Variants in PPEF2 observed in about 807,000 individuals in gnomAD.
The protein encoded by PPEF2 is protein phosphatase with EF-hand domain 2, also known as serine/threonine-protein phosphatase with EF-hands 2.
PPEF2 carries 84 observed loss-of-function variants against 84.7 expected under a neutral mutation model. That is an observed-to-expected ratio of 0.99 (90% CI 0.83 to 1.19). The LOEUF (loss-of-function observed/expected upper bound fraction) is 1.19. Among genes scored for constraint, PPEF2 ranks in the 50% most tolerant of loss-of-function variants. The pLI, the probability that PPEF2 is intolerant of heterozygous loss-of-function variation, is 0.00. For missense variants in PPEF2, 924 were observed against 937.5 expected, an observed-to-expected ratio of 0.99 and a Z score of 0.19; for synonymous variants, 346 against 345.2, an observed-to-expected ratio of 1.00 and a Z score of -0.03.
chr4:75,867,978 G>A (rs1724172925), intron 13 of PPEF2, among the ~76,000 whole-genome samples: 1 of 152,112 alleles, frequency 6.6e-6, no homozygotes, highest in Non-Finnish European at 1.5e-5. Context: ...TTGGCCCAAA[G>A]TAAGTGCTCA....
intron 1 of PPEF2, among the ~76,000 whole-genome samples, 155 bp downstream of exon 1, chr4:75,902,075 G>C (rs1725135597): frequency 6.6e-6 from 1 of 152,194 alleles, no homozygotes; most frequent in Admixed American, 6.5e-5. Context: ...CACACAGATA[G>C]CAAAGACCCC....
At chr4:75,889,438 G>A (rs1022312002) in intron 5 of PPEF2, among the ~76,000 whole-genome samples, 4 of 151,986 alleles carry the variant, frequency 2.6e-5, no homozygotes, top group Non-Finnish European at 5.9e-5. Context: ...CTCTTTCTCC[G>A]GCGCATTCCT....
intron 1 of PPEF2, among the ~76,000 whole-genome samples, chr4:75,901,567 T>C (rs1725121404): frequency 6.6e-6 from 1 of 150,804 alleles, no homozygotes; most frequent in Middle Eastern, 3.3e-3. Context: ...AGAATAATTC[T>C]CAAGGGAAAA....
rs185074880 is a variant in PPEF2 at position 75,861,402 on chromosome 4, A to T, written c.2009-482T>A. Among the ~76,000 whole-genome samples, 717 of 148,720 alleles carry T rather than the reference A, an allele frequency of 4.8e-3. 6 individuals carry two copies. The highest frequency in any genetic ancestry group is 0.017 in the African/African-American group (688 of 41,118). ...TTGATTTTTTTACAAGGGTCCCAAGATCATTTAATGGGGAAAGAATAGTTT... is the reference window on the plus strand; with the variant it reads ...TTGATTTTTTTACAAGGGTCCCAAGTTCATTTAATGGGGAAAGAATAGTTT... On this transcript the variant is annotated intron_variant, in intron 16 of 16. Transcript: ENST00000286719.
chr4:75,867,256 CAG>C, intron 14 of PPEF2, 55 bp downstream of exon 14: 1 of 1,381,530 alleles, frequency 7.2e-7, no homozygotes, highest in Non-Finnish European at 1.0e-6. Flanking sequence ...TAGTGTAAGA[CAG>C]AGATTTTCTG....
chr4:75,897,556 G>C (rs1174535975), intron 1 of PPEF2, among the ~76,000 whole-genome samples: 2 of 152,118 alleles, frequency 1.3e-5, no homozygotes, highest in Non-Finnish European at 2.9e-5. Context: ...GGAGGCCAAG[G>C]TGGGCTGATC....
At chr4:75,879,892 C>T (rs1353178968) in intron 10 of PPEF2, among the ~76,000 whole-genome samples, 4 of 151,582 alleles carry the variant, frequency 2.6e-5, no homozygotes, top group East Asian at 3.9e-4. Flanking sequence ...TGCAGTGGTG[C>T]GATCTCGGCT....
rs1725140666 is a variant in PPEF2, at chr4:75,902,360, C to T, written c.-189G>A. ...CAGGCTGATCTGATTTCTTTCAGAC[C>T]TACAGAGCCCATAAAGAAGGTGCAG... On this transcript the variant is annotated 5_prime_UTR_variant, in exon 1 of 17. It removes the in-frame stop codon of an upstream open reading frame in the 5' UTR. Transcript: ENST00000286719. 6.6e-6 allele frequency: 1 copy of T among 152,224 alleles called. No homozygotes were observed. Among genetic ancestry groups the T allele is most frequent in the Admixed American group, 6.5e-5 (1 of 15,280 alleles). 9.4% of individuals were successfully genotyped at this position (152,224 alleles called of 1,614,324 possible).
intron 11 of PPEF2, among the ~76,000 whole-genome samples, chr4:75,874,945 A>G (rs1159511331): frequency 6.9e-6 from 1 of 144,272 alleles, no homozygotes; most frequent in East Asian, 2.0e-4. Flanking sequence ...TCTGTCGCCC[A>G]GGATGAAGTG....
rs115380747 is a variant in PPEF2 at position 75,861,357 on chromosome 4, C to T, written c.2009-437G>A. ...ATTCTGGCCATTAAAATCCTCTGGACCCCATACATCTATAGTCAATTGATT... is the reference window on the plus strand; with the variant it reads ...ATTCTGGCCATTAAAATCCTCTGGATCCCATACATCTATAGTCAATTGATT... On this transcript the variant is annotated intron_variant, in intron 16 of 16. Coordinates refer to ENST00000286719, the MANE Select transcript of PPEF2 (RefSeq NM_006239.3). 9.5e-3 allele frequency among the ~76,000 whole-genome samples: 1,439 copies of T among 151,906 alleles called. 27 individuals carry two copies. Among genetic ancestry groups the T allele is most frequent in the African/African-American group, 0.033 (1,381 of 41,474 alleles).
chr4:75,896,992 C>G (rs921989989), intron 1 of PPEF2, among the ~76,000 whole-genome samples: 5 of 152,076 alleles, frequency 3.3e-5, no homozygotes, highest in African/African-American at 9.7e-5. Flanking sequence ...TCACGCCATT[C>G]TCACCCCCTC....
intron 4 of PPEF2, among the ~76,000 whole-genome samples, chr4:75,890,612 G>A (rs1162190568): frequency 2.6e-5 from 4 of 152,070 alleles, no homozygotes; most frequent in South Asian, 2.1e-4. Context: ...TCTAGGATGG[G>A]CAGGAGGAAA....
At chr4:75,887,041 T>C in intron 6 of PPEF2, 143 bp from the exon 7 acceptor site, 1 of 465,730 alleles carries the variant, frequency 2.1e-6, no homozygotes, top group Non-Finnish European at 3.9e-6. Flanking sequence ...GGATAAATAT[T>C]AATTTCTCCT....
intron 14 of PPEF2, 101 bp downstream of exon 14, chr4:75,867,202 AACTTTGGGTC>A (rs1724151334): frequency 2.9e-6 from 2 of 688,834 alleles, no homozygotes; most frequent in African/African-American, 1.8e-5. Flanking sequence ...AGCCAAAGGG[AACTTTGGGTC>A]ACTCATTAAA....
chr4:75,860,759 C>A lies in PPEF2; in HGVS notation c.2170G>T (p.Val724Leu). 1 of 1,614,228 alleles carries A rather than the reference C, an allele frequency of 6.2e-7. No individual in the cohort carries two copies. Among genetic ancestry groups the A allele is most frequent in the Non-Finnish European group, 8.5e-7 (1 of 1,180,034 alleles). ...INEFLEAFRL[V>L]EKSCPEGDAS... ...TCGCCCTCTGGGCAGGATTTCTCCA[C>A]AAGGCGGAAGGCCTCCAGGAACTCA... The change falls in exon 17 of 17, where the codon GTG (valine) becomes TTG (leucine). Residue 724 changes from valine to leucine, a missense_variant. Val to Leu is a conservative substitution (Grantham distance 32, BLOSUM62 1). Transcript: ENST00000286719.
Position 75,867,390 on chromosome 4 carries a change from C to T in PPEF2, c.1679G>A (p.Arg560Lys), listed in dbSNP as rs1724156784. The change falls in exon 14 of 17, where the codon AGA becomes AAA. Residue 560 changes from arginine to lysine, a missense_variant. Arg to Lys is a conservative substitution (Grantham distance 26). Transcript: ENST00000286719. Reference protein sequence around the residue: ...RISRVEESALRALREKLFAHS... With the variant: ...RISRVEESALKALREKLFAHS... ...AGCAAACAGCTTCTCCCTCAGAGCT[C>T]TCAGAGCCGACTCCTCCACTCTGCT... The T allele has an allele frequency of 6.2e-7, 1 of 1,613,882 alleles. No homozygotes were observed. Among genetic ancestry groups the T allele is most frequent in the Non-Finnish European group, 8.5e-7 (1 of 1,179,946 alleles).
At chr4:75,864,608 A>T in intron 15 of PPEF2, 81 bp from the exon 16 acceptor site, 1 of 1,091,182 alleles carries the variant, frequency 9.2e-7, no homozygotes, top group South Asian at 1.3e-5. Context: ...ATCAACCCTG[A>T]CAATCACACA....
intron 8 of PPEF2, among the ~76,000 whole-genome samples, chr4:75,883,869 C>T (rs779304162): frequency 6.8e-6 from 1 of 145,986 alleles, no homozygotes; most frequent in Non-Finnish European, 1.5e-5. Context: ...GTGGCTCATG[C>T]GTGTTATCCC....
chr4:75,889,850 T>G (rs1350272723), intron 5 of PPEF2, 107 bp downstream of exon 5: 6 of 1,275,790 alleles, frequency 4.7e-6, no homozygotes, highest in African/African-American at 1.5e-5. Context: ...AGTGGACACA[T>G]GACATGAACA....
Sources: allele counts gnomAD v4.1 joint callset (sites outside exome capture counted in the v4.1 genomes callset), GRCh38; gene constraint gnomAD v4.1.1; transcripts MANE v1.5; gene names NCBI Gene and HGNC (gene_info 2026-07-23, HGNC 2026-07-21).